The following TFEC variants were observed in gnomAD, a reference collection of about 807,000 sequenced individuals.
TFEC encodes class E basic helix-loop-helix protein 34.
TFEC carries 31 observed loss-of-function variants against 41.6 expected under a neutral mutation model. The observed-to-expected ratio is 0.74, with a 90% CI of 0.56 to 1.01. TFEC has a LOEUF of 1.01. Among genes scored for constraint, TFEC ranks in the 50% least tolerant of loss-of-function variants. The pLI is 0.00. For synonymous variants in TFEC, 143 were observed against 140.6 expected (o/e 1.02, Z -0.12); for missense variants, 402 against 404.1 (o/e 0.99, Z 0.04).
At chr7:115,970,947 T>A (rs1326132443) in intron 3 of TFEC, among the ~76,000 whole-genome samples, 7 of 152,082 alleles carry the variant, frequency 4.6e-5, no homozygotes, top group Non-Finnish European at 1.0e-4. Context: ...TATTCCTTTA[T>A]GGAAATGTAA....
chr7:115,947,054 A>G (rs999958831), intron 6 of TFEC, among the ~76,000 whole-genome samples: 7 of 141,800 alleles, frequency 4.9e-5, no homozygotes, highest in Non-Finnish European at 9.3e-5. Flanking sequence ...ATATCTCCCA[A>G]TGCTATCCCT....
At chr7:116,053,923 T>C (rs1796371030) in intron 3 of TFEC, among the ~76,000 whole-genome samples, 1 of 152,086 alleles carries the variant, frequency 6.6e-6, no homozygotes, top group Admixed American at 6.5e-5. Flanking sequence ...CCATTCTAAG[T>C]ATCTTATATA....
intron 6 of TFEC, among the ~76,000 whole-genome samples, chr7:115,947,540 G>T (rs955623667): frequency 9.9e-5 from 15 of 151,534 alleles, no homozygotes; most frequent in African/African-American, 2.7e-4. Flanking sequence ...CCACCAACAG[G>T]GTAAAAGTGT....
chr7:116,159,779 G>A (rs1243353742), intron 1 of TFEC: 2 of 152,046 alleles, frequency 1.3e-5, no homozygotes, highest in Admixed American at 1.3e-4. Flanking sequence ...ATAATTCAGA[G>A]GAAAAATTAC....
At chr7:116,002,606 T>C (rs1794640920) in intron 1 of TFEC, among the ~76,000 whole-genome samples, 1 of 152,178 alleles carries the variant, frequency 6.6e-6, no homozygotes, top group South Asian at 2.1e-4. Flanking sequence ...TCTAGTGTTT[T>C]ATGGCACAAC....
At chr7:116,107,651 C>G (rs1188614946) in intron 3 of TFEC, among the ~76,000 whole-genome samples, 1 of 152,166 alleles carries the variant, frequency 6.6e-6, no homozygotes, top group Non-Finnish European at 1.5e-5. Context: ...AACAAATTCT[C>G]TCTGTGATTT....
chr7:116,093,316 C>T (rs181447397), intron 3 of TFEC, among the ~76,000 whole-genome samples: 19 of 151,940 alleles, frequency 1.3e-4, no homozygotes, highest in African/African-American at 4.1e-4. Flanking sequence ...ATTTTAAAAA[C>T]GAGAACAAAT....
intron 3 of TFEC, among the ~76,000 whole-genome samples, chr7:115,962,612 G>C (rs953702093): frequency 2.0e-5 from 3 of 151,598 alleles, no homozygotes; most frequent in African/African-American, 4.8e-5. Context: ...TTCAACAAAT[G>C]GTGTTGGAAA....
At chr7:115,991,160 A>T (rs1381076376) in intron 1 of TFEC, among the ~76,000 whole-genome samples, 1 of 152,232 alleles carries the variant, frequency 6.6e-6, no homozygotes, top group African/African-American at 2.4e-5. Context: ...AAAATCCTTT[A>T]CAGACAAGCA....
At chr7:115,975,408 A>T (rs940037179) in intron 2 of TFEC, among the ~76,000 whole-genome samples, 3 of 152,162 alleles carry the variant, frequency 2.0e-5, no homozygotes, top group Non-Finnish European at 4.4e-5. Context: ...AGATATGGAA[A>T]AATATTTTAT....
At position 115,974,227 on chromosome 7, in the gene TFEC, A is replaced by G; in HGVS notation, c.210T>C (p.Gly70=). 1.3e-6 allele frequency: 2 copies of G among 1,594,658 alleles called. No individual in the cohort carries two copies. The highest frequency in any genetic ancestry group is 1.7e-6 in the Non-Finnish European group (2 of 1,171,514). The change falls in exon 3 of 8, where the codon GGT becomes GGC. Residue 70 remains glycine, a synonymous_variant. Coordinates refer to ENST00000265440, the MANE Select transcript of TFEC (RefSeq NM_012252.4). The part of the protein sequence containing the change: ...HMEDVIEDII[G]MESSFKEEGA... ...CTTCCTCTTTAAAACTTGATTCCAT[A>G]CCGATTATATCCTCAATAACGTCCT...
intron 1 of TFEC, among the ~76,000 whole-genome samples, chr7:116,023,901 C>T (rs940399914): frequency 6.6e-6 from 1 of 152,078 alleles, no homozygotes; most frequent in Non-Finnish European, 1.5e-5. Flanking sequence ...TCTCCAATGA[C>T]AAAGCAAAGG....
At chr7:116,133,598 G>A (rs779173331) in intron 1 of TFEC, among the ~76,000 whole-genome samples, 1 of 151,042 alleles carries the variant, frequency 6.6e-6, no homozygotes. Context: ...ATGATTTCTG[G>A]GAAACATAAT....
At position 116,147,392 on chromosome 7, in the gene TFEC, A is replaced by T. The variant is rs550929723; in HGVS notation, c.-69+12398T>A. ...AAAAGAACAATGAATTGACTAATGG[A>T]TGATTTATCTTTTTATATTTTTTTT... On this transcript the variant is annotated intron_variant, in intron 1 of 8. Coordinates refer to the TFEC transcript ENST00000484212. Among the ~76,000 whole-genome samples the T allele has an allele frequency of 7.9e-5, 12 of 152,322 alleles. No homozygotes were observed. In the East Asian group the frequency reaches 2.1e-3, roughly 27 times the overall value.
intron 1 of TFEC, among the ~76,000 whole-genome samples, chr7:116,155,061 T>C (rs1009120823): frequency 3.3e-5 from 5 of 152,210 alleles, no homozygotes; most frequent in Admixed American, 6.5e-5. Context: ...TTTTCAGTTG[T>C]TGCTTTCAAT....
intron 1 of TFEC, among the ~76,000 whole-genome samples, chr7:116,021,241 T>C (rs1795383669): frequency 6.6e-6 from 1 of 152,250 alleles, no homozygotes; most frequent in African/African-American, 2.4e-5. Flanking sequence ...TCATAGCTTC[T>C]TCTTAAAAAG....
intron 3 of TFEC, among the ~76,000 whole-genome samples, chr7:116,072,614 C>T (rs865922255): frequency 2.0e-5 from 3 of 151,454 alleles, no homozygotes; most frequent in Non-Finnish European, 4.4e-5. Context: ...TTTAAAAGAA[C>T]GATTTATTAC....
In TFEC at chr7:115,941,153, A is replaced by G. The variant is rs1379453586; in HGVS notation, c.664-222T>C. The G allele has an allele frequency of 1.9e-5, 9 of 482,116 alleles. No individual in the cohort carries two copies. In the East Asian group the frequency reaches 3.3e-4, roughly 18 times the overall value. 29.9% of individuals were successfully genotyped at this position (482,116 alleles called of 1,614,324 possible). A position where few individuals can be genotyped will look rare whatever the true frequency, so the allele number is the denominator to read the frequency against. On this transcript the variant is annotated intron_variant, in intron 7 of 7. Coordinates refer to ENST00000265440, the MANE Select transcript of TFEC (RefSeq NM_012252.4). ...CAGACTTTTTTTTAAGTTTGGTCTC[A>G]TTGTTCTACAAAGGTTATGACTGAT...
In TFEC at chr7:115,939,167, C is replaced by A. The variant is rs1793367769; in HGVS notation, c.*1384G>T. ...CTTTTGTTTTTGTTTTTCATGCATT[C>A]TCATTAACTACCTTAGGAGTAAGAC... is the stretch of plus-strand genomic sequence containing the variant. On this transcript the variant is annotated 3_prime_UTR_variant, in exon 8 of 8. Coordinates refer to ENST00000265440, the MANE Select transcript of TFEC (RefSeq NM_012252.4). 1 of 151,846 alleles carries A rather than the reference C, an allele frequency of 6.6e-6. No individual in the cohort carries two copies. The highest frequency in any genetic ancestry group is 2.4e-5 in the African/African-American group (1 of 41,358). 9.4% of individuals were successfully genotyped at this position (151,846 alleles called of 1,614,324 possible). A position where few individuals can be genotyped will look rare whatever the true frequency, so the allele number is the denominator to read the frequency against.
Sources: gnomAD v4.1 joint callset for allele counts (sites outside exome capture counted in the v4.1 genomes callset) on GRCh38, gnomAD v4.1.1 for gene constraint, MANE v1.5 for transcripts, NCBI Gene and HGNC (gene_info 2026-07-23, HGNC 2026-07-21) for gene names.